Variants in OR52N2 observed in about 807,000 individuals in gnomAD.
OR52N2 encodes the protein olfactory receptor 52N2.
For missense variants in OR52N2, 326 were observed against 196.6 expected (o/e 1.66, Z -3.94); for synonymous variants, 129 against 72.0 (o/e 1.79, Z -4.01).
At chr11:5,810,745 C>G (rs1340681985) in intron 1 of OR52N2, among the ~76,000 whole-genome samples, 1 of 151,978 alleles carries the variant, frequency 6.6e-6, no homozygotes, top group Non-Finnish European at 1.5e-5. Context: ...AAATCAGGGG[C>G]CAGTTCTATC....
intron 1 of OR52N2, among the ~76,000 whole-genome samples, chr11:5,814,248 T>C (rs564804776): frequency 6.6e-6 from 1 of 152,242 alleles, no homozygotes. Flanking sequence ...TGATCTACTA[T>C]GTAGAAAACC....
At chr11:5,809,652 A>C (rs1846339267) in intron 1 of OR52N2, among the ~76,000 whole-genome samples, 1 of 151,422 alleles carries the variant, frequency 6.6e-6, no homozygotes, top group Middle Eastern at 3.2e-3. Context: ...TGTCTTTCAA[A>C]AAAAAAAAAA....
At chr11:5,816,767 G>A (rs1478249900) in intron 1 of OR52N2, among the ~76,000 whole-genome samples, 2 of 151,980 alleles carry the variant, frequency 1.3e-5, no homozygotes, top group East Asian at 3.9e-4. Context: ...TCAAACTCTT[G>A]GGCCCCCCAA....
At chr11:5,812,249 C>T (rs971512840) in intron 1 of OR52N2, among the ~76,000 whole-genome samples, 2 of 151,824 alleles carry the variant, frequency 1.3e-5, no homozygotes, top group Non-Finnish European at 2.9e-5. Context: ...AATCCCAGCA[C>T]TTTGGGAGGC....
At chr11:5,818,548 T>A (rs1388468107) in intron 1 of OR52N2, among the ~76,000 whole-genome samples, 2 of 152,126 alleles carry the variant, frequency 1.3e-5, no homozygotes, top group Non-Finnish European at 2.9e-5. Context: ...TGAGGTGAGA[T>A]TGGTCAATTT....
chr11:5,812,608 T>C (rs1181323792), intron 1 of OR52N2, among the ~76,000 whole-genome samples: 1 of 151,610 alleles, frequency 6.6e-6, no homozygotes, highest in Non-Finnish European at 1.5e-5. Context: ...TGTAAATATA[T>C]ATGTCTGTAA....
chr11:5,816,865 A>C (rs1226339169), intron 1 of OR52N2, among the ~76,000 whole-genome samples: 1 of 152,126 alleles, frequency 6.6e-6, no homozygotes, highest in African/African-American at 2.4e-5. Context: ...ATTTTTCTAC[A>C]TTTTTAGATC....
At chr11:5,812,619 T>C (rs1431610825) in intron 1 of OR52N2, among the ~76,000 whole-genome samples, 9 of 151,598 alleles carry the variant, frequency 5.9e-5, no homozygotes, top group Non-Finnish European at 1.2e-4. Context: ...ATGTCTGTAA[T>C]ATCACAGCAC....
At chr11:5,810,049 C>T (rs767660641) in intron 1 of OR52N2, among the ~76,000 whole-genome samples, 1 of 152,238 alleles carries the variant, frequency 6.6e-6, no homozygotes, top group Non-Finnish European at 1.5e-5. Flanking sequence ...CTTGTCATAA[C>T]TCATTCCTCT....
chr11:5,814,239 G>C (rs1390132410), intron 1 of OR52N2, among the ~76,000 whole-genome samples: 1 of 152,074 alleles, frequency 6.6e-6, no homozygotes, highest in African/African-American at 2.4e-5. Flanking sequence ...CCGTTGAAAT[G>C]ATCTACTATG....
chr11:5,812,866 C>A (rs1846374688), intron 1 of OR52N2, among the ~76,000 whole-genome samples: 1 of 151,870 alleles, frequency 6.6e-6, no homozygotes, highest in African/African-American at 2.4e-5. Context: ...GAAATCATAT[C>A]AAATATATTT....
At chr11:5,815,541 A>G (rs2134241990) in intron 1 of OR52N2, among the ~76,000 whole-genome samples, 1 of 152,266 alleles carries the variant, frequency 6.6e-6, no homozygotes, top group East Asian at 1.9e-4. Flanking sequence ...CCTTACACCA[A>G]TTAGGATGGC....
chr11:5,810,626 G>C (rs775535624), intron 1 of OR52N2, among the ~76,000 whole-genome samples: 5 of 152,270 alleles, frequency 3.3e-5, no homozygotes, highest in African/African-American at 7.2e-5. Flanking sequence ...ATTGTGGAAG[G>C]GGGATGGGAG....
intron 1 of OR52N2, among the ~76,000 whole-genome samples, chr11:5,819,722 A>C (rs1009004296): frequency 3.9e-5 from 6 of 152,160 alleles, no homozygotes; most frequent in Non-Finnish European, 8.8e-5. Flanking sequence ...ATTATCTACT[A>C]TGTATTATCT....
intron 1 of OR52N2, among the ~76,000 whole-genome samples, chr11:5,810,394 G>A (rs574178190): frequency 1.2e-4 from 18 of 152,252 alleles, no homozygotes; most frequent in Admixed American, 3.9e-4. Flanking sequence ...GAGGAGGAAA[G>A]TACAAGGTTG....
At chr11:5,809,629 T>C (rs1846338904) in intron 1 of OR52N2, among the ~76,000 whole-genome samples, 1 of 151,944 alleles carries the variant, frequency 6.6e-6, no homozygotes, top group South Asian at 2.1e-4. Context: ...GAGAAAATTA[T>C]TGTATCTTAC....
chr11:5,816,556 G>T, intron 1 of OR52N2, among the ~76,000 whole-genome samples: 1 of 134,458 alleles, frequency 7.4e-6, no homozygotes, highest in Non-Finnish European at 1.7e-5. Flanking sequence ...TTCTTTTTTT[G>T]AGAGACACGG....
chr11:5,810,856 C>T (rs1297580930), intron 1 of OR52N2, among the ~76,000 whole-genome samples: 1 of 151,720 alleles, frequency 6.6e-6, no homozygotes, highest in Non-Finnish European at 1.5e-5. Context: ...AGCCCTATGC[C>T]TATGATGTCA....
At chr11:5,819,248 C>A (rs1329682527) in intron 1 of OR52N2, among the ~76,000 whole-genome samples, 1 of 152,130 alleles carries the variant, frequency 6.6e-6, no homozygotes, top group African/African-American at 2.4e-5. Flanking sequence ...CTTCAACTTT[C>A]TTCAAACACC....
Sources: gnomAD v4.1 joint callset for allele counts (sites outside exome capture counted in the v4.1 genomes callset) on GRCh38, gnomAD v4.1.1 for gene constraint, MANE v1.5 for transcripts, NCBI Gene and HGNC (gene_info 2026-07-23, HGNC 2026-07-21) for gene names.